PDE4D: variants seen among roughly 807,000 people sequenced by gnomAD.
PDE4D encodes phosphodiesterase 4D, also known as 3',5'-cyclic-AMP phosphodiesterase 4D.
Under a neutral mutation model 87.4 loss-of-function variants are expected in PDE4D, and 24 were observed. That is an observed-to-expected ratio of 0.27 (90% CI 0.20 to 0.39). PDE4D has a LOEUF of 0.39. PDE4D is among the 10% of genes least tolerant of loss of function. The pLI is 1.00. For missense variants in PDE4D, 714 were observed against 1,041.0 expected (o/e 0.69, Z 4.32); for synonymous variants, 384 against 383.2 (o/e 1.00, Z -0.02).
chr5:59,132,604 G>A (rs981586250), intron 5 of PDE4D, among the ~76,000 whole-genome samples: 7 of 152,086 alleles, frequency 4.6e-5, no homozygotes, highest in Non-Finnish European at 8.8e-5. Flanking sequence ...TGCAATTAAC[G>A]AATACATAAA....
At position 60,039,329 on chromosome 5, in the gene PDE4D, A is replaced by G. The variant is rs374720413; in HGVS notation, c.43-50612T>C. Among the ~76,000 whole-genome samples, 75 of 151,910 alleles carry G rather than the reference A, an allele frequency of 4.9e-4. 1 individual carries two copies. The East Asian group carries it at 0.014, about 29-fold the overall frequency. ...AAATCATCATTCTCAGTAAACTATC[A>G]CAAGAACAAAAAACCAAACACCGCA... is the stretch of plus-strand genomic sequence containing the variant. On this transcript the variant is annotated intron_variant, in intron 2 of 16. Coordinates refer to the PDE4D transcript ENST00000502484.
chr5:59,416,581 C>T (rs538207829), intron 1 of PDE4D, among the ~76,000 whole-genome samples: 36 of 152,192 alleles, frequency 2.4e-4, no homozygotes, highest in Middle Eastern at 3.4e-3. Context: ...CTAGGTATTG[C>T]AGGAATTCGG....
chr5:59,685,778 T>C (rs56063442), intron 1 of PDE4D, among the ~76,000 whole-genome samples: 7,221 of 152,096 alleles, frequency 0.047, 197 homozygotes, highest in South Asian at 0.061. Flanking sequence ...GTGTGGGAAA[T>C]TCTGTTACCT....
intron 1 of PDE4D, among the ~76,000 whole-genome samples, chr5:59,510,733 A>T (rs1810148176): frequency 6.6e-6 from 1 of 151,998 alleles, no homozygotes; most frequent in African/African-American, 2.4e-5. Flanking sequence ...ACAGCAGGAA[A>T]ATGTAATGCA....
At chr5:60,366,117 C>T (rs1760521312) in intron 1 of PDE4D, among the ~76,000 whole-genome samples, 1 of 151,520 alleles carries the variant, frequency 6.6e-6, no homozygotes, top group Admixed American at 6.6e-5. Flanking sequence ...GCTTGTTCTT[C>T]AACAAAACAA....
chr5:60,378,081 T>G (rs939446911), intron 1 of PDE4D, among the ~76,000 whole-genome samples: 1 of 152,182 alleles, frequency 6.6e-6, no homozygotes, highest in Non-Finnish European at 1.5e-5. Context: ...CAGTTGGATA[T>G]GAAGGAATTT....
chr5:59,535,526 T>C (rs902114503), intron 1 of PDE4D, among the ~76,000 whole-genome samples: 1 of 152,206 alleles, frequency 6.6e-6, no homozygotes, highest in Non-Finnish European at 1.5e-5. Context: ...AAAAAGATAA[T>C]ATGTGATAAA....
chr5:59,613,349 A>G (rs142434617), intron 1 of PDE4D, among the ~76,000 whole-genome samples: 134 of 152,298 alleles, frequency 8.8e-4, no homozygotes, highest in African/African-American at 2.9e-3. Flanking sequence ...AGTTTCAGGT[A>G]TAGAGGAGAC....
intron 1 of PDE4D, among the ~76,000 whole-genome samples, chr5:59,578,636 T>C (rs1156346553): frequency 6.6e-6 from 1 of 152,152 alleles, no homozygotes; most frequent in Non-Finnish European, 1.5e-5. Flanking sequence ...TCCATCATCT[T>C]ACTAAGCTCC....
chr5:59,975,386 T>C (rs1486988949), intron 3 of PDE4D, among the ~76,000 whole-genome samples: 1 of 152,202 alleles, frequency 6.6e-6, no homozygotes, highest in Non-Finnish European at 1.5e-5. Flanking sequence ...GTTCATTCTG[T>C]CCTCCAAATA....
intron 5 of PDE4D, among the ~76,000 whole-genome samples, chr5:59,162,965 G>A (rs10039838): frequency 0.37 from 55,865 of 150,260 alleles, 11,072 homozygotes; most frequent in Middle Eastern, 0.46. Flanking sequence ...TTTCTTCGAG[G>A]CAGAGTCTTG....
chr5:59,012,404 AC>A (rs1164175184), intron 6 of PDE4D, among the ~76,000 whole-genome samples: 1 of 152,160 alleles, frequency 6.6e-6, no homozygotes, highest in Non-Finnish European at 1.5e-5. Context: ...TATTCAGGAG[AC>A]CCATCTCACA....
chr5:60,048,834 A>G (rs1474280887), intron 2 of PDE4D, among the ~76,000 whole-genome samples: 1 of 151,972 alleles, frequency 6.6e-6, no homozygotes, highest in African/African-American at 2.4e-5. Context: ...GAATCTGACA[A>G]TTATGTGTCT....
At chr5:60,085,995 C>T (rs1285034710) in intron 2 of PDE4D, among the ~76,000 whole-genome samples, 1 of 152,164 alleles carries the variant, frequency 6.6e-6, no homozygotes, top group Admixed American at 6.5e-5. Context: ...AGCATATCCT[C>T]TGACAATGTT....
At chr5:59,578,587 C>T (rs958598816) in intron 1 of PDE4D, among the ~76,000 whole-genome samples, 8 of 152,092 alleles carry the variant, frequency 5.3e-5, no homozygotes, top group Admixed American at 6.6e-5. Flanking sequence ...GTCTTGTACT[C>T]TCTCTTCAAT....
chr5:59,278,167 T>C (rs1765178963), intron 1 of PDE4D, among the ~76,000 whole-genome samples: 1 of 152,060 alleles, frequency 6.6e-6, no homozygotes, highest in South Asian at 2.1e-4. Flanking sequence ...TGTTACAGAG[T>C]TTTATCCACT....
intron 1 of PDE4D, among the ~76,000 whole-genome samples, chr5:60,198,235 A>G (rs930669435): frequency 1.3e-5 from 2 of 151,416 alleles, no homozygotes; most frequent in Non-Finnish European, 3.0e-5. Flanking sequence ...AACTCCTTCA[A>G]TGTAGTGCCT....
intron 1 of PDE4D, chr5:59,218,151 T>C (rs1350983639): frequency 3.5e-6 from 1 of 287,622 alleles, no homozygotes; most frequent in African/African-American, 2.3e-5. Flanking sequence ...CTTTTCAGCA[T>C]GAGGAGGACC....
At chr5:60,438,572 G>T (rs1040403138) in intron 1 of PDE4D, among the ~76,000 whole-genome samples, 1 of 152,056 alleles carries the variant, frequency 6.6e-6, no homozygotes, top group Non-Finnish European at 1.5e-5. Context: ...ATCAACAGAA[G>T]AGAGGCCATT....
Sources: gnomAD v4.1 joint callset for allele counts (sites outside exome capture counted in the v4.1 genomes callset) on GRCh38, gnomAD v4.1.1 for gene constraint, MANE v1.5 for transcripts, NCBI Gene and HGNC (gene_info 2026-07-23, HGNC 2026-07-21) for gene names.